Variants in RYR1 observed in about 807,000 individuals in gnomAD.
The protein encoded by RYR1 is central core disease of muscle.
In RYR1, 342 loss-of-function variants were observed where a neutral mutation model predicts 583.5. That is an observed-to-expected ratio of 0.59 (90% confidence interval 0.54 to 0.64). RYR1 has a LOEUF of 0.64. Ranked by LOEUF, RYR1 falls within the 30% of genes least tolerant of loss-of-function variation. The probability of loss-of-function intolerance (pLI) is 0.00; values close to 1 mark genes in which losing one functional copy is unlikely to be tolerated. For synonymous variants in RYR1, 2,791 were observed against 2,822.5 expected (o/e 0.99, Z 0.35); for missense variants, 6,032 against 6,917.2 (o/e 0.87, Z 4.54).
chr19:38,548,161 A>G (rs1972512613), intron 88 of RYR1, 72 bp from the exon 89 acceptor site: 1 of 1,563,268 alleles, frequency 6.4e-7, no homozygotes, highest in African/African-American at 1.4e-5. Context: ...CCTGGGCTGG[A>G]AAGAGAGGCA....
intron 78 of RYR1, 41 bp from the exon 79 acceptor site, chr19:38,534,679 A>C (rs1000622885): frequency 3.2e-6 from 5 of 1,569,436 alleles, no homozygotes; most frequent in Non-Finnish European, 4.4e-6. Flanking sequence ...GCTGGGCTGG[A>C]AAGCCTGGAC....
In RYR1 at chr19:38,469,476, A is replaced by T. The variant is rs774150374; in HGVS notation, c.3728A>T (p.Gln1243Leu). 1.2e-6 allele frequency: 2 copies of T among 1,614,128 alleles called. No homozygotes were observed. The highest frequency in any genetic ancestry group is 2.2e-5 in the South Asian group (2 of 91,076). Residue 1243 changes from glutamine to leucine, a missense_variant, in exon 27 of 106, where the codon CAG becomes CTG. By Grantham distance (113) the Gln-to-Leu change is moderately radical (BLOSUM62 -2). This residue lies in a region of RYR1 where 2,627 missense variants were observed against 2,961.3 expected (regional missense o/e 0.89). Transcript: ENST00000359596. ...ACCTGGTTCAGCAAAGGCCTGCCCC[A>T]GTTTGAGCCAGTGCCCCTTGAACAC... Reference protein sequence around the residue: ...VTTWFSKGLPQFEPVPLEHPH... With the variant: ...VTTWFSKGLPLFEPVPLEHPH...
In RYR1 at chr19:38,543,436, G is replaced by T. The variant is rs1555794209; in HGVS notation, c.11778+1G>T. 1 of 1,614,248 alleles carries T rather than the reference G, an allele frequency of 6.2e-7. No individual in the cohort carries two copies. Among genetic ancestry groups the T allele is most frequent in the Admixed American group, 1.7e-5 (1 of 60,026 alleles). On this transcript the variant is annotated splice_donor_variant, in intron 85 of 105. Transcript: ENST00000359596. LOFTEE classifies it high-confidence loss of function. The surrounding 1 kb of genome is among the most constrained non-coding windows in gnomAD (Gnocchi z 4.4). ...TGTGGACTACCTCCTGCGGCTGCAG[G>T]TGAGGACGTGAGACGGTTCAGGTGT...
chr19:38,535,869 T>A lies in RYR1; in HGVS notation c.11517-128T>A, dbSNP rs1600962469. ...GCCAACTCTTCATTTCTGCTTCCTC[T>A]TGATTTCAGCGCATAGATGGTTTAC... On this transcript the variant is annotated intron_variant, in intron 81 of 105. Coordinates refer to ENST00000359596, the MANE Select transcript of RYR1 (RefSeq NM_000540.3). The A allele has an allele frequency of 7.3e-6, 6 of 826,800 alleles. No individual in the cohort carries two copies. The Middle Eastern group carries it at 1.1e-3, about 151-fold the overall frequency. 51.2% of individuals were successfully genotyped at this position (826,800 alleles called of 1,614,324 possible).
chr19:38,567,104 C>T (rs1202310098), intron 92 of RYR1, 117 bp downstream of exon 92: 3 of 1,504,202 alleles, frequency 2.0e-6, no homozygotes, highest in South Asian at 1.2e-5. Flanking sequence ...TCGGCATCAC[C>T]CAGCCCAGAC....
At position 38,486,114 on chromosome 19, in the gene RYR1, G is replaced by T. The variant is rs750141316; in HGVS notation, c.5459G>T (p.Arg1820Leu). 3.8e-5 allele frequency: 61 copies of T among 1,612,902 alleles called. No homozygotes were observed. The Admixed American group carries it at 9.8e-4, about 26-fold the overall frequency. Residue 1820 changes from arginine (R) to leucine (L), a missense_variant, in exon 34 of 106, where the codon CGC (arginine) becomes CTC (leucine). Physicochemically the swap from Arg to Leu is moderately radical, Grantham distance 102. Coordinates refer to ENST00000359596, the MANE Select transcript of RYR1 (RefSeq NM_000540.3). ...KALRMLGEAV[R>L]DGGQHARDPV... ...CTGAGGATGCTGGGGGAGGCGGTGC[G>T]CGACGGTGGGCAGCACGCTCGCGAC...
chr19:38,505,717 C>T (rs1970413008), intron 53 of RYR1, 89 bp from the exon 54 acceptor site: 1 of 1,522,550 alleles, frequency 6.6e-7, no homozygotes, highest in Non-Finnish European at 9.0e-7. Context: ...ATTGCCTAGC[C>T]ACATGGTCAG....
At chr19:38,583,137 A>G (rs1028391202) in intron 101 of RYR1, among the ~76,000 whole-genome samples, 1 of 151,958 alleles carries the variant, frequency 6.6e-6, no homozygotes, top group African/African-American at 2.4e-5. Flanking sequence ...TCTCCACTAA[A>G]AATACAAAAA....
In RYR1 at chr19:38,473,729, A is replaced by G. The variant is rs1333832050; in HGVS notation, c.4118A>G (p.Glu1373Gly). 1 of 1,519,976 alleles carries G rather than the reference A, an allele frequency of 6.6e-7. No individual in the cohort carries two copies. The allele number at this position is 1,519,976 out of a possible 1,614,324, so 94.2% of individuals were successfully genotyped here. ...AGGEAQPARA[E>G]NEKDATTEKN... ...GGAGAGGCGCAGCCCGCCAGGGCGGAGAATGAGAAGGATGCCACCACCGAG... is the reference window on the plus strand; with the variant it reads ...GGAGAGGCGCAGCCCGCCAGGGCGGGGAATGAGAAGGATGCCACCACCGAG... Residue 1373 changes from glutamate (E) to glycine (G), a missense_variant, in exon 28 of 106, where the codon GAG becomes GGG. This residue lies in a region of RYR1 where 2,627 missense variants were observed against 2,961.3 expected (regional missense o/e 0.89). Transcript: ENST00000359596.
At position 38,543,398 on chromosome 19, in the gene RYR1, T is replaced by C; in HGVS notation, c.11741T>C (p.Ile3914Thr). 1 of 1,614,194 alleles carries C rather than the reference T, an allele frequency of 6.2e-7. No individual in the cohort carries two copies. Among genetic ancestry groups the C allele is most frequent in the Non-Finnish European group, 8.5e-7 (1 of 1,180,024 alleles). ...ACAGGGAACACGACCACTATTAACA[T>C]CATCATTTGCACTGTGGACTACCTC... is the stretch of plus-strand genomic sequence containing the variant. Reference protein sequence around the residue: ...TQTGNTTTINIIICTVDYLLR... With the variant: ...TQTGNTTTINTIICTVDYLLR... Residue 3914 changes from isoleucine to threonine, a missense_variant, in exon 85 of 106, where the codon ATC becomes ACC. By Grantham distance (89) the Ile-to-Thr change is moderately conservative. Around this residue, in one of 11 missense-constraint regions of RYR1, gnomAD observed 1,493 missense variants for 1,715.5 expected, o/e 0.87. Transcript: ENST00000359596. The surrounding 1 kb of genome is among the most constrained non-coding windows in gnomAD (Gnocchi z 4.4).
At position 38,440,739 on chromosome 19, in the gene RYR1, C is replaced by CCTG. The variant is rs751337540; in HGVS notation, c.46-5_46-4insTGC. ...CCCCTGGAGACGCTGCCCCTCGGTT[C>CCTG]CGCAGGACGATGAGGTGGTCCTGCA... On this transcript the variant is annotated splice_polypyrimidine_tract_variant and splice_region_variant and intron_variant, in intron 1 of 105. Transcript: ENST00000359596. 6.2e-7 allele frequency: 1 copy of CCTG among 1,606,020 alleles called. No homozygotes were observed. Among genetic ancestry groups the CCTG allele is most frequent in the East Asian group, 2.2e-5 (1 of 44,664 alleles).
Position 38,499,307 on chromosome 19 carries a change from A to G in RYR1, c.7027+64A>G, listed in dbSNP as rs1367969186. 6.2e-6 allele frequency: 10 copies of G among 1,611,750 alleles called. No individual in the cohort carries two copies. The highest frequency in any genetic ancestry group is 8.5e-6 in the Non-Finnish European group (10 of 1,178,316). ...AGTCACTGGTCACACACCTCCCTCG[A>G]GATGACTGCTCGCACCCTGAGCCAC... On this transcript the variant is annotated intron_variant, in intron 43 of 105. Coordinates refer to ENST00000359596, the MANE Select transcript of RYR1 (RefSeq NM_000540.3). This position sits in a 1 kb window ranked among gnomAD's most constrained non-coding sequence, Gnocchi z 7.3.
intron 34 of RYR1, 145 bp from the exon 35 acceptor site, chr19:38,489,032 T>C (rs867377830): frequency 1.3e-6 from 1 of 770,472 alleles, no homozygotes; most frequent in Non-Finnish European, 2.3e-6. Context: ...AGGCGGGGGA[T>C]GCCATTCCTG....
At chr19:38,525,602 C>T in intron 71 of RYR1, 100 bp downstream of exon 71, 1 of 1,325,056 alleles carries the variant, frequency 7.5e-7, no homozygotes, top group Non-Finnish European at 1.1e-6. Flanking sequence ...ACTGAGCCCC[C>T]CAGGTCCCTG....
chr19:38,573,171 A>C lies in RYR1; in HGVS notation c.13999-6A>C. ...CGCCCACCTTTGGCCTCCTCCCACT[A>C]TCCAGGTGCCCCTGGTAATCTTTAA... On this transcript the variant is annotated splice_polypyrimidine_tract_variant and splice_region_variant and intron_variant, in intron 95 of 105. Transcript: ENST00000359596. 1 of 1,612,928 alleles carries C rather than the reference A, an allele frequency of 6.2e-7. No individual in the cohort carries two copies. Among genetic ancestry groups the C allele is most frequent in the Non-Finnish European group, 8.5e-7 (1 of 1,179,254 alleles).
At position 38,523,909 on chromosome 19, in the gene RYR1, A is replaced by G. The variant is rs765451004; in HGVS notation, c.10441-6A>G. 5.0e-6 allele frequency: 8 copies of G among 1,613,826 alleles called. No individual in the cohort carries two copies. The highest frequency in any genetic ancestry group is 6.8e-6 in the Non-Finnish European group (8 of 1,179,946). On this transcript the variant is annotated splice_region_variant and splice_polypyrimidine_tract_variant and intron_variant, in intron 69 of 105. Transcript: ENST00000359596. ...TCTTGTCTCTGTCTGCGGTCCGGTG[A>G]AGCAGGCGGGAGATATACAGGTCAG...
chr19:38,507,947 T>C, intron 58 of RYR1, 120 bp downstream of exon 58: 2 of 704,858 alleles, frequency 2.8e-6, no homozygotes, highest in Admixed American at 4.1e-5. Context: ...CTGATGTTTA[T>C]TGAGCTTCTA....
chr19:38,463,303 T>C, intron 20 of RYR1, 120 bp from the exon 21 acceptor site: 1 of 770,098 alleles, frequency 1.3e-6, no homozygotes, highest in African/African-American at 1.7e-5. Flanking sequence ...GGCTGCTGGA[T>C]GGTGGGAAAG....
intron 31 of RYR1, among the ~76,000 whole-genome samples, chr19:38,479,553 A>G (rs749749580): frequency 2.6e-5 from 4 of 151,640 alleles, no homozygotes; most frequent in Non-Finnish European, 4.4e-5. Context: ...GACTATAGGC[A>G]TGCACCACCT....
Sources: gnomAD v4.1 joint callset for allele counts (sites outside exome capture counted in the v4.1 genomes callset) on GRCh38, gnomAD v4.1.1 for gene constraint, gnomAD v4.1.1 regional missense constraint, Gnocchi (gnomAD v3.1) non-coding constraint, MANE v1.5 for transcripts, NCBI Gene and HGNC (gene_info 2026-07-23, HGNC 2026-07-21) for gene names.